ATRNL1: variants seen among roughly 807,000 people sequenced by gnomAD.
The protein encoded by ATRNL1 is attractin-like protein 1.
ATRNL1 carries 95 observed loss-of-function variants against 182.7 expected under a neutral mutation model. The ratio of observed to expected loss-of-function variants is 0.52; its 90% CI spans 0.44 to 0.62. The LOEUF is 0.62. Among genes scored for constraint, ATRNL1 ranks in the 20% least tolerant of loss-of-function variants. The pLI is 0.00. For synonymous variants in ATRNL1, 576 were observed against 568.3 expected (o/e 1.01, Z -0.19); for missense variants, 1,471 against 1,679.5 (o/e 0.88, Z 2.17).
At chr10:115,395,897 A>G (rs1844263862) in intron 20 of ATRNL1, among the ~76,000 whole-genome samples, 1 of 151,724 alleles carries the variant, frequency 6.6e-6, no homozygotes, top group Admixed American at 6.6e-5. Flanking sequence ...ACATGTTTAT[A>G]TTAGGTATAT....
intron 19 of ATRNL1, among the ~76,000 whole-genome samples, chr10:115,360,670 A>T (rs1856703055): frequency 6.6e-6 from 1 of 151,274 alleles, no homozygotes; most frequent in Admixed American, 6.6e-5. Flanking sequence ...TTTAAAAAAA[A>T]ATTTATTTTA....
At chr10:115,250,130 T>C (rs1332445474) in intron 10 of ATRNL1, among the ~76,000 whole-genome samples, 1 of 152,204 alleles carries the variant, frequency 6.6e-6, no homozygotes, top group Non-Finnish European at 1.5e-5. Flanking sequence ...GCTACATACT[T>C]ACACAGATTG....
chr10:115,746,000 T>G (rs12251850), intron 27 of ATRNL1, among the ~76,000 whole-genome samples: 3,553 of 152,256 alleles, frequency 0.023, 123 homozygotes, highest in African/African-American at 0.081. Flanking sequence ...TTATGAGGCC[T>G]TCTTAGTGAA....
chr10:115,781,251 T>A (rs1256673749), intron 27 of ATRNL1, among the ~76,000 whole-genome samples: 1 of 152,212 alleles, frequency 6.6e-6, no homozygotes, highest in Non-Finnish European at 1.5e-5. Flanking sequence ...CACATTACTT[T>A]CGGGAATATC....
chr10:115,163,533 T>G (rs1443485422), intron 6 of ATRNL1, among the ~76,000 whole-genome samples: 1 of 151,962 alleles, frequency 6.6e-6, no homozygotes, highest in Non-Finnish European at 1.5e-5. Flanking sequence ...CTGGCTAATT[T>G]TTAAATTTTT....
chr10:115,464,358 CTCGCTATCCA>C (rs1554970389), intron 22 of ATRNL1, among the ~76,000 whole-genome samples: 10 of 152,042 alleles, frequency 6.6e-5, no homozygotes, highest in African/African-American at 2.4e-4. Flanking sequence ...TTAATTTTAA[CTCGCTATCCA>C]TCACTTCTAG....
At chr10:115,867,397 A>G (rs1489381558) in intron 28 of ATRNL1, among the ~76,000 whole-genome samples, 1 of 152,196 alleles carries the variant, frequency 6.6e-6, no homozygotes, top group Non-Finnish European at 1.5e-5. Flanking sequence ...AATAAGAGGA[A>G]GTTTCCATTT....
intron 26 of ATRNL1, among the ~76,000 whole-genome samples, chr10:115,684,823 T>C (rs1299667723): frequency 6.6e-6 from 1 of 151,760 alleles, no homozygotes; most frequent in Non-Finnish European, 1.5e-5. Context: ...ATCTGTATAT[T>C]ACACACTGTA....
intron 18 of ATRNL1, among the ~76,000 whole-genome samples, chr10:115,317,306 A>G (rs137866254): frequency 0.022 from 3,404 of 152,232 alleles, 47 homozygotes; most frequent in South Asian, 0.036. Flanking sequence ...CTTGTAGTAT[A>G]GTTCGAAGTC....
intron 26 of ATRNL1, among the ~76,000 whole-genome samples, chr10:115,632,289 T>C (rs782514346): frequency 7.2e-5 from 11 of 152,046 alleles, no homozygotes; most frequent in Non-Finnish European, 1.5e-4. Context: ...CTGAAAAGGA[T>C]TGGGTGGATC....
rs74158205 is a variant in ATRNL1, at chr10:115,649,639, T to C, written c.3796-77609T>C. ...TTCAAATGGGGAAATGACTGTGCATTTTATTGTAAAAGGCACTTTGCAAAT... is the reference window on the plus strand; with the variant it reads ...TTCAAATGGGGAAATGACTGTGCATCTTATTGTAAAAGGCACTTTGCAAAT... On this transcript the variant is annotated intron_variant, in intron 26 of 28. Transcript: ENST00000355044. 8.6e-3 allele frequency among the ~76,000 whole-genome samples: 1,303 copies of C among 152,260 alleles called. 13 individuals are homozygous for C. Among genetic ancestry groups the C allele is most frequent in the African/African-American group, 0.03 (1,234 of 41,562 alleles).
At chr10:115,695,601 A>G (rs777569499) in intron 26 of ATRNL1, among the ~76,000 whole-genome samples, 10 of 152,272 alleles carry the variant, frequency 6.6e-5, no homozygotes, top group South Asian at 4.1e-4. Flanking sequence ...ATAACCTTAT[A>G]TATTAGAACT....
chr10:115,358,729 A>G (rs150975800), intron 19 of ATRNL1, among the ~76,000 whole-genome samples: 1 of 151,692 alleles, frequency 6.6e-6, no homozygotes, highest in African/African-American at 2.4e-5. Context: ...GAGAATTGAA[A>G]CCTTGAACTA....
chr10:115,221,602 A>G (rs1467076168), intron 9 of ATRNL1, among the ~76,000 whole-genome samples: 1 of 152,196 alleles, frequency 6.6e-6, no homozygotes, highest in African/African-American at 2.4e-5. Flanking sequence ...CAAGACAGGC[A>G]TTTTGTGTAA....
chr10:115,492,109 T>A (rs1849328890), intron 24 of ATRNL1, among the ~76,000 whole-genome samples: 1 of 152,210 alleles, frequency 6.6e-6, no homozygotes, highest in Non-Finnish European at 1.5e-5. Flanking sequence ...AACGGTGTAC[T>A]TCAGTTGGAA....
intron 20 of ATRNL1, among the ~76,000 whole-genome samples, chr10:115,421,963 T>C (rs748025851): frequency 7.2e-5 from 11 of 152,150 alleles, no homozygotes; most frequent in South Asian, 2.1e-4. Context: ...CCCTATTCAA[T>C]AAATGGTGCT....
Position 115,476,986 on chromosome 10 carries a change from T to TA in ATRNL1, c.3654+7660dup, listed in dbSNP as rs375501427. ...ATTTTTAGTACTTAGCTGAGGTAGC[T>TA]AAAGGAATAGTTTTTAAATTGAGAG... On this transcript the variant is annotated intron_variant, in intron 24 of 28. Coordinates refer to ENST00000355044, the MANE Select transcript of ATRNL1 (RefSeq NM_207303.4). Among the ~76,000 whole-genome samples the TA allele has an allele frequency of 4.7e-3, 713 of 151,634 alleles. 5 individuals carry two copies. The highest frequency in any genetic ancestry group is 0.016 in the African/African-American group (684 of 41,472).
intron 18 of ATRNL1, among the ~76,000 whole-genome samples, chr10:115,316,457 C>G (rs1227963437): frequency 3.9e-5 from 6 of 152,222 alleles, no homozygotes; most frequent in Non-Finnish European, 8.8e-5. Flanking sequence ...GATTTATATT[C>G]CTTTATGTAC....
At chr10:115,887,521 G>A (rs1951976323) in intron 28 of ATRNL1, among the ~76,000 whole-genome samples, 2 of 152,086 alleles carry the variant, frequency 1.3e-5, no homozygotes, top group African/African-American at 4.8e-5. Context: ...ATTCATGAGG[G>A]CTCTGCCCTT....
Sources: allele counts gnomAD v4.1 joint callset (sites outside exome capture counted in the v4.1 genomes callset), GRCh38; gene constraint gnomAD v4.1.1; transcripts MANE v1.5; gene names NCBI Gene and HGNC (gene_info 2026-07-23, HGNC 2026-07-21).